R3HDM1: variants seen among roughly 807,000 people sequenced by gnomAD.
The protein encoded by R3HDM1 is R3H domain-containing protein 1.
A neutral mutation model predicts 141.1 loss-of-function variants in R3HDM1; 46 were observed. That is an observed-to-expected ratio of 0.33 (90% CI 0.26 to 0.42). The LOEUF (loss-of-function observed/expected upper bound fraction) is 0.42. R3HDM1 is among the 10% of genes least tolerant of loss of function. The probability of loss-of-function intolerance (pLI) is 1.00; values close to 1 mark genes in which losing one functional copy is unlikely to be tolerated. For synonymous variants in R3HDM1, 435 were observed against 472.9 expected (o/e 0.92, Z 1.04); for missense variants, 1,184 against 1,368.3 (o/e 0.87, Z 2.12).
chr2:135,680,944 C>G (rs979030595), intron 21 of R3HDM1, among the ~76,000 whole-genome samples: 2 of 152,016 alleles, frequency 1.3e-5, no homozygotes, highest in Non-Finnish European at 2.9e-5. Context: ...TTATAGGGGT[C>G]TGGAAAAATT....
chr2:135,588,034 ATC>A (rs138410736), intron 1 of R3HDM1, among the ~76,000 whole-genome samples: 3,500 of 145,228 alleles, frequency 0.024, 151 homozygotes, highest in African/African-American at 0.083. Flanking sequence ...ATCTATCTTA[ATC>A]TCTCTCTCTC....
At chr2:135,673,041 T>C (rs939027350) in intron 19 of R3HDM1, among the ~76,000 whole-genome samples, 2 of 152,088 alleles carry the variant, frequency 1.3e-5, no homozygotes, top group African/African-American at 4.8e-5. Context: ...CAGTAGGTGG[T>C]GGTTGCAGTG....
chr2:135,576,213 CAT>C (rs1705383631), intron 1 of R3HDM1, among the ~76,000 whole-genome samples: 1 of 151,924 alleles, frequency 6.6e-6, no homozygotes, highest in Non-Finnish European at 1.5e-5. Flanking sequence ...CCCTGGATAA[CAT>C]GGCGAAACCC....
chr2:135,666,522 C>A (rs2067519358), intron 19 of R3HDM1, among the ~76,000 whole-genome samples: 1 of 152,122 alleles, frequency 6.6e-6, no homozygotes, highest in African/African-American at 2.4e-5. Flanking sequence ...TCTCCATTAA[C>A]CTGCCGCCAC....
chr2:135,677,360 G>A (rs1436977595), intron 20 of R3HDM1, among the ~76,000 whole-genome samples: 1 of 152,096 alleles, frequency 6.6e-6, no homozygotes, highest in Non-Finnish European at 1.5e-5. Context: ...CTAGGCACAT[G>A]AGCCTGCCCT....
chr2:135,717,647 T>C (rs1257127140), intron 24 of R3HDM1, among the ~76,000 whole-genome samples: 1 of 152,128 alleles, frequency 6.6e-6, no homozygotes, highest in East Asian at 1.9e-4. Flanking sequence ...AAATAATAAG[T>C]ACACCAAACC....
At chr2:135,629,474 A>T (rs766741490) in intron 7 of R3HDM1, among the ~76,000 whole-genome samples, 15 of 152,240 alleles carry the variant, frequency 9.9e-5, no homozygotes, top group Non-Finnish European at 2.1e-4. Flanking sequence ...TGGATGAAGT[A>T]ATTTTACTAA....
Position 135,651,819 on chromosome 2 carries a change from G to A in R3HDM1, c.1815G>A (p.Gln605=), listed in dbSNP as rs771755521. 2.7e-5 allele frequency: 43 copies of A among 1,613,956 alleles called. No individual in the cohort carries two copies. Among genetic ancestry groups the A allele is most frequent in the Non-Finnish European group, 3.6e-5 (42 of 1,180,024 alleles). ...DGSDPHAAMF[Q]STVVLQSPQQ... is the part of the protein sequence containing the mutation. The stretch of plus-strand genomic sequence containing the variant: ...CTGACCCTCATGCCGCCATGTTCCA[G>A]TCCACTGTGGTTCTTCAGTCTCCAC... Residue 605 remains glutamine (Q), a synonymous_variant, in exon 18 of 27, where the codon CAG becomes CAA. Transcript: ENST00000683871.
chr2:135,688,672 C>T (rs185573679), intron 21 of R3HDM1, among the ~76,000 whole-genome samples: 5 of 152,128 alleles, frequency 3.3e-5, no homozygotes, highest in African/African-American at 1.2e-4. Flanking sequence ...GACGGTGGCT[C>T]ATGGCTGTGA....
chr2:135,663,082 T>C (rs2066945121), intron 19 of R3HDM1, among the ~76,000 whole-genome samples: 2 of 146,052 alleles, frequency 1.4e-5, no homozygotes, highest in African/African-American at 5.1e-5. Flanking sequence ...GCCTATAAAA[T>C]CACTTTCAAT....
intron 17 of R3HDM1, 121 bp from the exon 18 acceptor site, chr2:135,651,609 A>G: frequency 1.5e-6 from 2 of 1,341,538 alleles, no homozygotes; most frequent in East Asian, 2.6e-5. Flanking sequence ...GCTGTTGTTG[A>G]TATATATAAT....
Position 135,531,519 on chromosome 2 carries a change from C to A in R3HDM1, c.-364C>A, listed in dbSNP as rs1694671773. 2 of 985,586 alleles carry A rather than the reference C, an allele frequency of 2.0e-6. No individual in the cohort carries two copies. The highest frequency in any genetic ancestry group is 2.4e-6 in the Non-Finnish European group (2 of 829,918). 61.1% of individuals were successfully genotyped at this position (985,586 alleles called of 1,614,324 possible). On this transcript the variant is annotated 5_prime_UTR_variant, in exon 1 of 27. Coordinates refer to ENST00000683871, the MANE Select transcript of R3HDM1 (RefSeq NM_001378107.1). ...CCGCGGCTGCCGCTGGAGCCGGTGT[C>A]CGGGCTGGTGATGGGGTTAATTCCC... is the stretch of plus-strand genomic sequence containing the variant.
chr2:135,692,937 G>C (rs559550085), intron 21 of R3HDM1, among the ~76,000 whole-genome samples: 14 of 152,154 alleles, frequency 9.2e-5, no homozygotes, highest in African/African-American at 3.4e-4. Flanking sequence ...ATACATGTTG[G>C]GATTGAAAAT....
At chr2:135,700,875 G>T (rs2105409069) in intron 21 of R3HDM1, among the ~76,000 whole-genome samples, 1 of 152,236 alleles carries the variant, frequency 6.6e-6, no homozygotes, top group East Asian at 1.9e-4. Flanking sequence ...ATGTACAGTA[G>T]TCCCCCTTAT....
chr2:135,636,749 A>C (rs1244108873), intron 11 of R3HDM1, among the ~76,000 whole-genome samples: 1 of 151,862 alleles, frequency 6.6e-6, no homozygotes, highest in Non-Finnish European at 1.5e-5. Flanking sequence ...TCTGTCCTGT[A>C]ATATGTGTTA....
intron 1 of R3HDM1, among the ~76,000 whole-genome samples, chr2:135,534,351 A>C (rs1205136462): frequency 6.6e-6 from 1 of 152,228 alleles, no homozygotes; most frequent in East Asian, 1.9e-4. Flanking sequence ...AGATTAAGCA[A>C]ATCATTTGAA....
chr2:135,671,936 A>G (rs969473840), intron 19 of R3HDM1, among the ~76,000 whole-genome samples: 4 of 151,868 alleles, frequency 2.6e-5, no homozygotes, highest in African/African-American at 9.7e-5. Flanking sequence ...AGATGGTGCC[A>G]CTGCACTCCA....
chr2:135,641,528 T>C lies in R3HDM1; in HGVS notation c.1220-8T>C. ...AAAAATCCATATTTTTCATTACTCC[T>C]CTTCTAGGTTCTGAGTCTTCTGGTA... On this transcript the variant is annotated splice_polypyrimidine_tract_variant and splice_region_variant and intron_variant, in intron 14 of 26. Coordinates refer to ENST00000683871, the MANE Select transcript of R3HDM1 (RefSeq NM_001378107.1). 3 of 1,582,870 alleles carry C rather than the reference T, an allele frequency of 1.9e-6. No individual in the cohort carries two copies. Among genetic ancestry groups the C allele is most frequent in the Non-Finnish European group, 2.6e-6 (3 of 1,169,820 alleles).
At chr2:135,603,240 T>A (rs1361069593) in intron 2 of R3HDM1, among the ~76,000 whole-genome samples, 1 of 152,200 alleles carries the variant, frequency 6.6e-6, no homozygotes, top group Non-Finnish European at 1.5e-5. Flanking sequence ...TACACCTGCC[T>A]CAGCCTCCTA....
Sources: allele counts gnomAD v4.1 joint callset (sites outside exome capture counted in the v4.1 genomes callset), GRCh38; gene constraint gnomAD v4.1.1; transcripts MANE v1.5; gene names NCBI Gene and HGNC (gene_info 2026-07-23, HGNC 2026-07-21).